Variants in ZFP90 observed in about 807,000 individuals in gnomAD.
ZFP90 encodes the protein ZFP90 zinc finger protein.
A neutral mutation model predicts 60.8 loss-of-function variants in ZFP90; 38 were observed. The ratio of observed to expected loss-of-function variants is 0.62; its 90% CI spans 0.48 to 0.82. ZFP90 has a LOEUF of 0.82. Ranked by LOEUF, ZFP90 falls within the 40% of genes least tolerant of loss-of-function variation. ZFP90 has a pLI of 0.00. For synonymous variants in ZFP90, 287 were observed against 264.8 expected, an observed-to-expected ratio of 1.08 and a Z score of -0.82; for missense variants, 711 against 759.1, an observed-to-expected ratio of 0.94 and a Z score of 0.74.
Position 68,563,388 on chromosome 16 carries a change from G to C in ZFP90, c.601G>C (p.Glu201Gln), listed in dbSNP as rs761243136. 2 of 1,613,626 alleles carry C rather than the reference G, an allele frequency of 1.2e-6. No homozygotes were observed. The highest frequency in any genetic ancestry group is 1.7e-6 in the Non-Finnish European group (2 of 1,179,966). The change falls in exon 5 of 5, where the codon GAG (glutamate) becomes CAG (glutamine). Residue 201 changes from glutamate (E) to glutamine (Q), a missense_variant. Glu to Gln is a conservative substitution (Grantham distance 29). Transcript: ENST00000563169. The stretch of plus-strand genomic sequence containing the variant: ...GGGACATAATGCAGACTTACTTAAT[G>C]AGAATAATATTCTTGCAAAAAAGAA... Reference protein sequence around the residue: ...NLGHNADLLNENNILAKKKPY... With the variant: ...NLGHNADLLNQNNILAKKKPY...
At chr16:68,539,729 G>T in intron 1 of ZFP90, 29 bp from the exon 2 acceptor site, 1 of 1,506,664 alleles carries the variant, frequency 6.6e-7, no homozygotes, top group Middle Eastern at 2.1e-4. Context: ...GTTGCAGCGG[G>T]GTGAGTGGGC....
intron 1 of ZFP90, 31 bp from the exon 2 acceptor site, chr16:68,539,727 G>T: frequency 1.3e-6 from 2 of 1,499,952 alleles, no homozygotes; most frequent in East Asian, 2.5e-5. Context: ...GTGTTGCAGC[G>T]GGGTGAGTGG....
downstream of ZFP90, among the ~76,000 whole-genome samples, chr16:68,569,605 A>G (rs2152078077): frequency 6.6e-6 from 1 of 152,232 alleles, no homozygotes; most frequent in Non-Finnish European, 1.5e-5. Context: ...GAGAACAAGA[A>G]AAGGAATCAG....
At chr16:68,555,830 T>C (rs1352244975) in intron 2 of ZFP90, among the ~76,000 whole-genome samples, 2 of 152,158 alleles carry the variant, frequency 1.3e-5, no homozygotes, top group Admixed American at 6.5e-5. Flanking sequence ...AATGATACTC[T>C]TGAGGAATTT....
At chr16:68,575,691 C>T (rs548204647) in intron 2 of ZFP90, 1 of 396,698 alleles carries the variant, frequency 2.5e-6, no homozygotes, top group East Asian at 3.6e-5. Flanking sequence ...GACAGGTTCT[C>T]AATCCGGTCT....
chr16:68,556,707 C>A (rs1645928), intron 2 of ZFP90, among the ~76,000 whole-genome samples: 122,519 of 152,108 alleles, frequency 0.81, 49,515 homozygotes, highest in African/African-American at 0.87. Flanking sequence ...TGTCCTTTTT[C>A]TCGGAATCTG....
chr16:68,573,459 C>T (rs867056113), intron 2 of ZFP90, among the ~76,000 whole-genome samples: 20 of 152,306 alleles, frequency 1.3e-4, no homozygotes, highest in African/African-American at 4.6e-4. Flanking sequence ...GCCTGGGTGA[C>T]ACAGCAAGAC....
At chr16:68,559,058 G>T (rs892913533) in intron 4 of ZFP90, among the ~76,000 whole-genome samples, 7 of 152,078 alleles carry the variant, frequency 4.6e-5, no homozygotes, top group Non-Finnish European at 1.0e-4. Flanking sequence ...TCCCTCCACA[G>T]TTCTGTAGTA....
chr16:68,556,714 T>G (rs1358194792), intron 2 of ZFP90, among the ~76,000 whole-genome samples: 1 of 152,206 alleles, frequency 6.6e-6, no homozygotes, highest in Admixed American at 6.5e-5. Context: ...TTTCTCGGAA[T>G]CTGTTCTTGA....
intron 2 of ZFP90, among the ~76,000 whole-genome samples, chr16:68,550,480 A>C (rs1005284546): frequency 6.6e-6 from 1 of 152,078 alleles, no homozygotes; most frequent in Non-Finnish European, 1.5e-5. Flanking sequence ...CAAACTCCTG[A>C]CCTCAGGTGA....
intron 2 of ZFP90, among the ~76,000 whole-genome samples, chr16:68,549,287 C>A (rs950146493): frequency 2.0e-5 from 3 of 152,174 alleles, no homozygotes; most frequent in Non-Finnish European, 4.4e-5. Flanking sequence ...AGATGCTGGG[C>A]AAGACCCTCC....
chr16:68,536,580 AG>A (rs2090962253), upstream of ZFP90, among the ~76,000 whole-genome samples: 3 of 152,320 alleles, frequency 2.0e-5, no homozygotes, highest in South Asian at 6.2e-4. Flanking sequence ...TGGGAATTAT[AG>A]GCCACTGTGC....
chr16:68,550,130 A>G (rs1268217167), intron 2 of ZFP90, among the ~76,000 whole-genome samples: 2 of 152,220 alleles, frequency 1.3e-5, no homozygotes, highest in Non-Finnish European at 2.9e-5. Context: ...AATTTTAGTA[A>G]TAAATATTAT....
chr16:68,564,904 T>TC lies in ZFP90; in HGVS notation c.*206_*207insC, dbSNP rs1468030073. On this transcript the variant is annotated 3_prime_UTR_variant, in exon 5 of 5. Coordinates refer to ENST00000563169, the MANE Select transcript of ZFP90 (RefSeq NM_001305203.2). ...GATTACAGACTAGTGTAAAAACAGC[T>TC]ACATGTATGTAGCTGGTTGGGGATG... The TC allele has an allele frequency of 5.3e-6, 7 of 1,330,694 alleles. No homozygotes were observed. The highest frequency in any genetic ancestry group is 6.7e-6 in the Non-Finnish European group (7 of 1,045,556). 82.4% of individuals were successfully genotyped at this position (1,330,694 alleles called of 1,614,324 possible). A position where few individuals can be genotyped will look rare whatever the true frequency, so the allele number is the denominator to read the frequency against.
At position 68,566,272 on chromosome 16, in the gene ZFP90, C is replaced by T; in HGVS notation, c.*1574C>T. 1.0e-6 allele frequency: 1 copy of T among 985,580 alleles called. No individual in the cohort carries two copies. 61.1% of individuals were successfully genotyped at this position (985,580 alleles called of 1,614,324 possible). ...ACCTTTGTTGGTGTGTTGACATTGA[C>T]CATGCAGACCAATTTGGGCACAACT... is the stretch of plus-strand genomic sequence containing the variant. On this transcript the variant is annotated 3_prime_UTR_variant, in exon 5 of 5. Transcript: ENST00000563169.
chr16:68,535,179 G>C (rs1419537157), upstream of ZFP90, among the ~76,000 whole-genome samples: 1 of 152,190 alleles, frequency 6.6e-6, no homozygotes, highest in Non-Finnish European at 1.5e-5. Context: ...CAGATGCCTG[G>C]AAGCACTGTT....
At position 68,563,162 on chromosome 16, in the gene ZFP90, C is replaced by T. The variant is rs781701418; in HGVS notation, c.375C>T (p.Ser125=). ...TAGAAGACTCCTGGGATGTTAGCAG[C>T]CAGTTAGACAGGCAACAGGAAAACT... is the stretch of plus-strand genomic sequence containing the variant. The part of the protein sequence containing the change: ...ATLEDSWDVS[S]QLDRQQENWK... The change falls in exon 5 of 5, where the codon AGC becomes AGT. Residue 125 remains serine (S), a synonymous_variant. Transcript: ENST00000563169. The T allele has an allele frequency of 1.2e-6, 2 of 1,614,054 alleles. No homozygotes were observed. The highest frequency in any genetic ancestry group is 1.7e-6 in the Non-Finnish European group (2 of 1,180,010).
chr16:68,552,548 G>T (rs1179329787), intron 2 of ZFP90, among the ~76,000 whole-genome samples: 5 of 152,156 alleles, frequency 3.3e-5, no homozygotes, highest in Admixed American at 6.6e-5. Context: ...GCCAAGCCGA[G>T]GAAGAAAGGC....
rs758833096 is a variant in ZFP90, at chr16:68,558,420, T to TTCTTTGTCCACTTGCAC, written c.161-52_161-36dup. 7 of 1,539,294 alleles carry TTCTTTGTCCACTTGCAC rather than the reference T, an allele frequency of 4.5e-6. No individual in the cohort carries two copies. The Admixed American group carries it at 1.2e-4, about 26-fold the overall frequency. ...TAGTACTGACTTGTCCTTAGGAGGG[T>TTCTTTGTCCACTTGCAC]TCTTTGTCCACTTGCACAAACAACC... is the stretch of plus-strand genomic sequence containing the variant. On this transcript the variant is annotated intron_variant, in intron 3 of 4. Coordinates refer to ENST00000563169, the MANE Select transcript of ZFP90 (RefSeq NM_001305203.2).
Sources: allele counts gnomAD v4.1 joint callset (sites outside exome capture counted in the v4.1 genomes callset), GRCh38; gene constraint gnomAD v4.1.1; transcripts MANE v1.5; gene names NCBI Gene and HGNC (gene_info 2026-07-23, HGNC 2026-07-21).